Variants in APPBP2 observed in about 807,000 individuals in gnomAD.
APPBP2 encodes the protein amyloid protein-binding protein 2.
Under a neutral mutation model 76.0 loss-of-function variants are expected in APPBP2, and 15 were observed. The observed-to-expected ratio is 0.20, with a 90% CI of 0.13 to 0.30. APPBP2 has a LOEUF of 0.30. APPBP2 is among the 10% of genes least tolerant of loss of function. The pLI, the probability that APPBP2 is intolerant of heterozygous loss-of-function variation, is 1.00. For synonymous variants in APPBP2, 222 were observed against 242.2 expected, an observed-to-expected ratio of 0.92 and a Z score of 0.77; for missense variants, 401 against 687.2, an observed-to-expected ratio of 0.58 and a Z score of 4.66.
At chr17:60,513,538 A>G (rs755827246) in intron 1 of APPBP2, 1 of 501,296 alleles carries the variant, frequency 2.0e-6, no homozygotes, top group Non-Finnish European at 3.6e-6. Context: ...GGTTGTCAAG[A>G]TAGATCCACC....
chr17:60,465,056 C>G (rs543189762), intron 5 of APPBP2: 1 of 152,176 alleles, frequency 6.6e-6, no homozygotes, highest in South Asian at 2.1e-4. Context: ...CAAACAAAGA[C>G]AAGTGTGGCC....
At chr17:60,495,676 G>A (rs1310924842) in intron 2 of APPBP2, among the ~76,000 whole-genome samples, 1 of 151,820 alleles carries the variant, frequency 6.6e-6, no homozygotes, top group Non-Finnish European at 1.5e-5. Flanking sequence ...GAAAAAACGG[G>A]AACCCTCATA....
chr17:60,518,966 T>TC (rs1214733055), intron 1 of APPBP2, among the ~76,000 whole-genome samples: 1 of 151,994 alleles, frequency 6.6e-6, no homozygotes, highest in Non-Finnish European at 1.5e-5. Context: ...ATTACCTTTT[T>TC]CCCCCCCTTT....
Position 60,515,670 on chromosome 17 carries a change from C to T in APPBP2, c.138+10124G>A, listed in dbSNP as rs1313783200. Among the ~76,000 whole-genome samples, 3 of 152,208 alleles carry T rather than the reference C, an allele frequency of 2.0e-5. No individual in the cohort carries two copies. In the East Asian group the frequency reaches 5.8e-4, roughly 29 times the overall value. On this transcript the variant is annotated intron_variant, in intron 1 of 12. Coordinates refer to ENST00000083182, the MANE Select transcript of APPBP2 (RefSeq NM_006380.5). ...CATATAAATGAGATCATATATTATA[C>T]ATCCAGTTTCCAAACTGTGCACCAA...
Position 60,472,427 on chromosome 17 carries a change from T to C in APPBP2, c.504-5968A>G, listed in dbSNP as rs73990459. ...AAAAAATTTGTCCATTTTATTTATG[T>C]TATCTAATTCACTGGTGTTCAACTG... is the stretch of plus-strand genomic sequence containing the variant. On this transcript the variant is annotated intron_variant, in intron 4 of 12. Transcript: ENST00000083182. Among the ~76,000 whole-genome samples the C allele has an allele frequency of 4.7e-3, 712 of 152,342 alleles. 2 individuals carry two copies. Among genetic ancestry groups the C allele is most frequent in the African/African-American group, 0.017 (688 of 41,590 alleles).
intron 1 of APPBP2, among the ~76,000 whole-genome samples, chr17:60,520,363 A>T (rs1052136546): frequency 6.6e-6 from 1 of 152,170 alleles, no homozygotes; most frequent in Non-Finnish European, 1.5e-5. Flanking sequence ...ACCTGAGGTA[A>T]GGAGTTCAAG....
chr17:60,456,352 A>G lies in APPBP2; in HGVS notation c.1091T>C (p.Ile364Thr). ...ATGATCTTCAGGTAGGATGTGGGTAATGATACCAATAGCTCTTTCTGCATG... is the reference window on the plus strand; with the variant it reads ...ATGATCTTCAGGTAGGATGTGGGTAGTGATACCAATAGCTCTTTCTGCATG... ...LFHAERAIGI[I>T]THILPEDHLL... Residue 364 changes from isoleucine to threonine, a missense_variant, in exon 10 of 13, where the codon ATT (isoleucine) becomes ACT (threonine). Transcript: ENST00000083182. The G allele has an allele frequency of 6.2e-7, 1 of 1,610,326 alleles. No homozygotes were observed. The highest frequency in any genetic ancestry group is 2.2e-5 in the East Asian group (1 of 44,796).
chr17:60,479,573 C>T (rs1354944359), intron 3 of APPBP2, among the ~76,000 whole-genome samples: 2 of 152,244 alleles, frequency 1.3e-5, no homozygotes, highest in East Asian at 3.9e-4. Flanking sequence ...TTACTATTTT[C>T]ATCTTGGAGT....
intron 3 of APPBP2, among the ~76,000 whole-genome samples, chr17:60,489,646 G>C (rs1302358708): frequency 6.7e-6 from 1 of 150,246 alleles, no homozygotes; most frequent in Admixed American, 6.6e-5. Flanking sequence ...AAAAATGACT[G>C]TTAAAAGTTG....
intron 1 of APPBP2, among the ~76,000 whole-genome samples, chr17:60,516,946 T>C (rs1182950473): frequency 6.6e-6 from 1 of 152,162 alleles, no homozygotes; most frequent in Non-Finnish European, 1.5e-5. Flanking sequence ...TATTCTCTTT[T>C]GGGATGCCTA....
chr17:60,487,313 G>C (rs148288198), intron 3 of APPBP2, among the ~76,000 whole-genome samples: 1 of 152,052 alleles, frequency 6.6e-6, no homozygotes, highest in Admixed American at 6.6e-5. Flanking sequence ...CATTCTCCCC[G>C]TCACTTTCGG....
intron 3 of APPBP2, among the ~76,000 whole-genome samples, chr17:60,481,118 C>T (rs918749264): frequency 6.6e-6 from 1 of 152,178 alleles, no homozygotes; most frequent in African/African-American, 2.4e-5. Context: ...CCAGTAACAG[C>T]CTAGCAGTAT....
Position 60,494,505 on chromosome 17 carries a change from C to T in APPBP2, c.340G>A (p.Ala114Thr). ...ACCTGAATGGCTTTTTCCTTTACTGCAGCATCTGATTCTGCTATATAAGAG... is the reference window on the plus strand; with the variant it reads ...ACCTGAATGGCTTTTTCCTTTACTGTAGCATCTGATTCTGCTATATAAGAG... ...RCSYIAESDA[A>T]VKEKAIQVGF... The change falls in exon 3 of 13, where the codon GCA (alanine) becomes ACA (threonine). Residue 114 changes from alanine (A) to threonine (T), a missense_variant. By Grantham distance (58) the Ala-to-Thr change is moderately conservative. Coordinates refer to ENST00000083182, the MANE Select transcript of APPBP2 (RefSeq NM_006380.5). The T allele has an allele frequency of 6.2e-7, 1 of 1,610,684 alleles. No homozygotes were observed. Among genetic ancestry groups the T allele is most frequent in the Admixed American group, 1.7e-5 (1 of 58,728 alleles).
At position 60,443,246 on chromosome 17, in the gene APPBP2, A is replaced by G. The variant is rs2143254200; in HGVS notation, c.*4335T>C. On this transcript the variant is annotated 3_prime_UTR_variant, in exon 13 of 13. Transcript: ENST00000083182. ...CACAATGCTGGTTACAAACATACTT[A>G]GTATGGTTTAATAGTTACAAATAAC... is the stretch of plus-strand genomic sequence containing the variant. 6.5e-6 allele frequency: 1 copy of G among 152,806 alleles called. No individual in the cohort carries two copies. Among genetic ancestry groups the G allele is most frequent in the South Asian group, 2.1e-4 (1 of 4,834 alleles). 9.5% of individuals were successfully genotyped at this position (152,806 alleles called of 1,614,324 possible).
intron 4 of APPBP2, chr17:60,477,552 TA>T (rs2090599687): frequency 6.6e-6 from 1 of 152,122 alleles, no homozygotes; most frequent in Admixed American, 6.5e-5. Context: ...AATGAGAGAT[TA>T]TTTTTATGAG....
intron 1 of APPBP2, among the ~76,000 whole-genome samples, chr17:60,516,534 A>C (rs1181842891): frequency 6.6e-6 from 1 of 152,210 alleles, no homozygotes; most frequent in East Asian, 1.9e-4. Context: ...AGATTCATTC[A>C]TATTATTTCA....
intron 3 of APPBP2, among the ~76,000 whole-genome samples, chr17:60,486,050 TGAG>T (rs1001703215): frequency 2.6e-5 from 4 of 152,250 alleles, no homozygotes; most frequent in Admixed American, 6.5e-5. Context: ...TTGACTGCAC[TGAG>T]GTCTGAGAGA....
intron 1 of APPBP2, among the ~76,000 whole-genome samples, chr17:60,512,304 C>T (rs567657207): frequency 2.1e-4 from 32 of 151,912 alleles, no homozygotes; most frequent in African/African-American, 7.2e-4. Flanking sequence ...GGGGTTTCAC[C>T]GTGTTAGCCA....
rs776430690 is a variant in APPBP2 at position 60,464,095 on chromosome 17, T to C, written c.688A>G (p.Ile230Val). The stretch of plus-strand genomic sequence containing the variant: ...GCTGTAATTTCTTTCATTGCCTCGA[T>C]GCACCATTTGTATGCCTAAAAAAAT... ...SHYDEAYKWC[I>V]EAMKEITAGL... The change falls in exon 6 of 13, where the codon ATC (isoleucine) becomes GTC (valine). Residue 230 changes from isoleucine to valine, a missense_variant. Physicochemically the swap from Ile to Val is conservative, Grantham distance 29. Transcript: ENST00000083182. 7.4e-6 allele frequency: 12 copies of C among 1,611,268 alleles called. 1 individual carries two copies. Among genetic ancestry groups the C allele is most frequent in the Non-Finnish European group, 1.0e-5 (12 of 1,178,942 alleles).
Sources: allele counts gnomAD v4.1 joint callset (sites outside exome capture counted in the v4.1 genomes callset), GRCh38; gene constraint gnomAD v4.1.1; transcripts MANE v1.5; gene names NCBI Gene and HGNC (gene_info 2026-07-23, HGNC 2026-07-21).